The following DNAH8 variants were observed in gnomAD, a reference collection of about 807,000 sequenced individuals.
DNAH8 encodes the protein dynein axonemal heavy chain 8.
In DNAH8, 382 loss-of-function variants were observed where a neutral mutation model predicts 562.1. The observed-to-expected ratio is 0.68, with a 90% CI of 0.63 to 0.74. The LOEUF is 0.74. DNAH8 is among the 30% of genes least tolerant of loss of function. The pLI is 0.00. For missense variants in DNAH8, 5,203 were observed against 5,620.4 expected (o/e 0.93, Z 2.37); for synonymous variants, 1,881 against 1,919.4 (o/e 0.98, Z 0.52).
intron 33 of DNAH8, 111 bp from the exon 34 acceptor site, chr6:38,842,257 C>T (rs1321974459): frequency 9.6e-6 from 8 of 835,614 alleles, no homozygotes; most frequent in Non-Finnish European, 1.5e-5. Flanking sequence ...ATCTATAAGA[C>T]ATTGTACACG....
At chr6:38,883,116 C>T (rs1421568793) in intron 54 of DNAH8, 64 bp downstream of exon 54, 4 of 1,432,624 alleles carry the variant, frequency 2.8e-6, no homozygotes, top group Non-Finnish European at 3.7e-6. Context: ...AATATGCACC[C>T]ATATTTTCTT....
intron 81 of DNAH8, among the ~76,000 whole-genome samples, chr6:38,950,508 T>C (rs7752904): frequency 0.58 from 87,216 of 150,244 alleles, 25,782 homozygotes; most frequent in East Asian, 0.85. Flanking sequence ...GGCATGATCT[T>C]GGCTCACTGT....
chr6:38,852,856 G>T, intron 40 of DNAH8, 58 bp downstream of exon 40: 1 of 1,319,634 alleles, frequency 7.6e-7, no homozygotes, highest in South Asian at 1.2e-5. Context: ...TTAGGTTGAG[G>T]AGAATACAGT....
chr6:38,978,244 A>G (rs952684757), intron 85 of DNAH8, among the ~76,000 whole-genome samples: 2 of 152,158 alleles, frequency 1.3e-5, no homozygotes, highest in African/African-American at 4.8e-5. Context: ...TGGAAATTCT[A>G]TCGTGGCCCT....
At chr6:38,728,014 A>G (rs1228752044) in intron 3 of DNAH8, among the ~76,000 whole-genome samples, 2 of 152,070 alleles carry the variant, frequency 1.3e-5, no homozygotes, top group African/African-American at 4.8e-5. Context: ...TGCCCAGTCT[A>G]GAGTGCAGTG....
At chr6:38,772,195 A>AT (rs1767647290) in intron 12 of DNAH8, among the ~76,000 whole-genome samples, 1 of 151,650 alleles carries the variant, frequency 6.6e-6, no homozygotes, top group Admixed American at 6.6e-5. Context: ...CGCCCGGCTA[A>AT]TTTTTTGTAT....
intron 26 of DNAH8, among the ~76,000 whole-genome samples, chr6:38,821,991 A>G (rs544035679): frequency 1.6e-4 from 24 of 152,228 alleles, no homozygotes; most frequent in African/African-American, 5.5e-4. Context: ...TTTTATCTCT[A>G]TTTGAATATG....
intron 15 of DNAH8, among the ~76,000 whole-genome samples, chr6:38,780,894 G>A (rs891751783): frequency 6.6e-6 from 1 of 152,004 alleles, no homozygotes; most frequent in South Asian, 2.1e-4. Context: ...TGTGTGTATA[G>A]CAAAGCCCGT....
chr6:38,933,152 G>T (rs1033179461), intron 76 of DNAH8, among the ~76,000 whole-genome samples: 9 of 152,058 alleles, frequency 5.9e-5, no homozygotes, highest in Admixed American at 2.6e-4. Flanking sequence ...GGTGCTGTGG[G>T]TTTATTTTGA....
chr6:38,995,903 G>A (rs1381805147), intron 88 of DNAH8, among the ~76,000 whole-genome samples: 1 of 152,072 alleles, frequency 6.6e-6, no homozygotes. Context: ...ACTTCACTAT[G>A]GTGTTGCCAA....
chr6:38,727,699 A>G (rs960570881), intron 3 of DNAH8, among the ~76,000 whole-genome samples: 1 of 152,136 alleles, frequency 6.6e-6, no homozygotes, highest in African/African-American at 2.4e-5. Context: ...AGTTTTTTCA[A>G]ACACCCCTTT....
chr6:38,899,981 G>A (rs1779970154), intron 62 of DNAH8, 75 bp downstream of exon 62: 3 of 1,254,376 alleles, frequency 2.4e-6, no homozygotes, highest in Non-Finnish European at 3.2e-6. Context: ...AAAAAAGGAA[G>A]CACAACAGTT....
chr6:38,781,157 A>T (rs1241459709), intron 15 of DNAH8, 97 bp from the exon 16 acceptor site: 9 of 1,358,872 alleles, frequency 6.6e-6, no homozygotes, highest in African/African-American at 2.9e-5. Flanking sequence ...TATATAAAAC[A>T]TGAATAATGA....
intron 29 of DNAH8, among the ~76,000 whole-genome samples, chr6:38,826,763 G>A (rs1773364167): frequency 6.6e-6 from 1 of 152,134 alleles, no homozygotes; most frequent in Non-Finnish European, 1.5e-5. Context: ...ACCAATTATA[G>A]GTCTCACTCA....
chr6:38,734,841 T>G (rs1763962179), intron 5 of DNAH8, among the ~76,000 whole-genome samples: 1 of 152,220 alleles, frequency 6.6e-6, no homozygotes, highest in African/African-American at 2.4e-5. Flanking sequence ...TCATGAAAAT[T>G]TCATTTCTTG....
Position 38,734,585 on chromosome 6 carries a change from G to C in DNAH8, c.722G>C (p.Cys241Ser), listed in dbSNP as rs1007614402. The C allele has an allele frequency of 5.0e-6, 8 of 1,613,392 alleles. No homozygotes were observed. The highest frequency in any genetic ancestry group is 2.7e-5 in the African/African-American group (2 of 74,886). The stretch of plus-strand genomic sequence containing the variant: ...GGACTGTGCATATTTTTTGTTCGTT[G>C]CCGTAATGATGTTGCTATAAATGTT... ...LKGLCIFFVRCRNDVAINVKT... is the reference protein window; with the variant it reads ...LKGLCIFFVRSRNDVAINVKT... Residue 241 changes from cysteine (C) to serine (S), a missense_variant, in exon 5 of 93, where the codon TGC becomes TCC. By Grantham distance (112) the Cys-to-Ser change is moderately radical. Around this residue, in one of 6 missense-constraint regions of DNAH8, gnomAD observed 556 missense variants for 496.9 expected, o/e 1.12. Coordinates refer to ENST00000327475, the MANE Select transcript of DNAH8 (RefSeq NM_001206927.2).
chr6:38,874,127 CTT>C (rs1237960947), intron 52 of DNAH8, among the ~76,000 whole-genome samples: 1 of 129,032 alleles, frequency 7.8e-6, no homozygotes, highest in African/African-American at 2.8e-5. Context: ...CTCCTTCTCT[CTT>C]TCTTTCTTTC....
At chr6:38,890,623 T>C (rs113305545) in intron 57 of DNAH8, 29 bp from the exon 58 acceptor site, 2 of 1,477,674 alleles carry the variant, frequency 1.4e-6, no homozygotes, top group Non-Finnish European at 1.9e-6. Flanking sequence ...TTTGGTAAGC[T>C]TATACCTTCA....
chr6:38,821,629 C>A (rs1772847727), intron 26 of DNAH8, among the ~76,000 whole-genome samples: 1 of 152,128 alleles, frequency 6.6e-6, no homozygotes, highest in South Asian at 2.1e-4. Flanking sequence ...GGTGGTGCAA[C>A]CTCAGCTTAC....
Sources: allele counts gnomAD v4.1 joint callset (sites outside exome capture counted in the v4.1 genomes callset), GRCh38; gene constraint gnomAD v4.1.1; regional missense constraint gnomAD v4.1.1; transcripts MANE v1.5; gene names NCBI Gene and HGNC (gene_info 2026-07-23, HGNC 2026-07-21).